MRTFB: variants seen among roughly 807,000 people sequenced by gnomAD.
MRTFB encodes the protein myocardin-related transcription factor B.
In MRTFB, 29 loss-of-function variants were observed where a neutral mutation model predicts 104.2. The observed-to-expected ratio is 0.28, with a 90% CI of 0.21 to 0.38. The LOEUF (loss-of-function observed/expected upper bound fraction) is 0.38, where lower values mean the gene tolerates loss of function less well. Ranked by LOEUF, MRTFB falls within the 10% of genes least tolerant of loss-of-function variation. The pLI is 1.00. For synonymous variants in MRTFB, 535 were observed against 519.5 expected, an observed-to-expected ratio of 1.03 and a Z score of -0.41; for missense variants, 1,270 against 1,341.6, an observed-to-expected ratio of 0.95 and a Z score of 0.83.
chr16:14,045,986 T>G, the MRTFB span, among the ~76,000 whole-genome samples: 1 of 152,190 alleles, frequency 6.6e-6, no homozygotes, highest in Non-Finnish European at 1.5e-5. Flanking sequence ...CTAGTAGCAG[T>G]AGTGTTGGTC....
intron 3 of MRTFB, chr16:14,149,380 A>G (rs2038497673): frequency 6.6e-6 from 1 of 152,232 alleles, no homozygotes; most frequent in South Asian, 2.1e-4. Context: ...CTTGTAGTCT[A>G]AGTTTAAAAA....
At chr16:14,212,632 C>T (rs540561203) in intron 5 of MRTFB, among the ~76,000 whole-genome samples, 1 of 152,282 alleles carries the variant, frequency 6.6e-6, no homozygotes, top group South Asian at 2.1e-4. Context: ...AAGCCAGTAA[C>T]TAGTTTTGTA....
At chr16:14,027,653 G>T in the MRTFB span, among the ~76,000 whole-genome samples, 1 of 152,216 alleles carries the variant, frequency 6.6e-6, no homozygotes. Flanking sequence ...GGGAAGCTGG[G>T]CGAAGATGGT....
At chr16:14,044,093 C>T in the MRTFB span, among the ~76,000 whole-genome samples, 1 of 152,218 alleles carries the variant, frequency 6.6e-6, no homozygotes, top group Admixed American at 6.5e-5. Flanking sequence ...CATGACAACA[C>T]TTGGTGTCTA....
At chr16:14,203,080 T>G (rs2040779451) in intron 3 of MRTFB, among the ~76,000 whole-genome samples, 1 of 152,212 alleles carries the variant, frequency 6.6e-6, no homozygotes, top group South Asian at 2.1e-4. Flanking sequence ...TAGTCAATTC[T>G]AGAGTATTCT....
chr16:14,195,583 C>G (rs1184774846), intron 3 of MRTFB: 42 of 985,108 alleles, frequency 4.3e-5, no homozygotes, highest in Non-Finnish European at 5.1e-5. Context: ...GCTTACTATT[C>G]TGGGAAAAAT....
At chr16:14,248,354 C>CA (rs1259149748) in intron 12 of MRTFB, 1 of 152,342 alleles carries the variant, frequency 6.6e-6, no homozygotes, top group Non-Finnish European at 1.5e-5. Context: ...GACCCTTTGG[C>CA]AGATGCAAAA....
chr16:14,015,866 G>A, the MRTFB span: 2 of 398,488 alleles, frequency 5.0e-6, no homozygotes, highest in South Asian at 2.5e-4. Context: ...ACTTACCTGT[G>A]CTTACAGGTA....
At chr16:14,234,108 A>G (rs767556040) in intron 8 of MRTFB, 38 bp from the exon 9 acceptor site, 24 of 1,593,152 alleles carry the variant, frequency 1.5e-5, no homozygotes, top group Non-Finnish European at 2.0e-5. Flanking sequence ...TATGATCATT[A>G]ATTTCACAGA....
intron 3 of MRTFB, among the ~76,000 whole-genome samples, chr16:14,181,319 T>C (rs1334804046): frequency 1.3e-5 from 2 of 152,162 alleles, no homozygotes; most frequent in Non-Finnish European, 2.9e-5. Flanking sequence ...GGATCAAATA[T>C]GTATTTTACT....
At chr16:14,228,020 AT>A (rs1167993532) in intron 8 of MRTFB, among the ~76,000 whole-genome samples, 2 of 152,156 alleles carry the variant, frequency 1.3e-5, no homozygotes, top group African/African-American at 4.8e-5. Flanking sequence ...CAATTGGCCA[AT>A]AAGCATCTAA....
In MRTFB at chr16:14,212,460, C is replaced by T. The variant is rs537918638; in HGVS notation, c.276+51C>T. On this transcript the variant is annotated intron_variant, in intron 5 of 16. Coordinates refer to ENST00000571589, the MANE Select transcript of MRTFB (RefSeq NM_001308142.2). ...CTACTTCTCTCTCCTTCTCTCCTCT[C>T]TTCTAAAATACCTGTGTACAAGTAG... 1.0e-5 allele frequency: 16 copies of T among 1,534,566 alleles called. No individual in the cohort carries two copies. In the South Asian group the frequency reaches 1.7e-4, roughly 16 times the overall value.
intron 2 of MRTFB, among the ~76,000 whole-genome samples, chr16:14,089,637 A>G (rs1398261981): frequency 1.3e-5 from 2 of 152,158 alleles, no homozygotes; most frequent in Admixed American, 6.5e-5. Context: ...TCTTTTGGGT[A>G]TACACCTAGG....
In MRTFB at chr16:14,154,334, G is replaced by A. The variant is rs1259940355; in HGVS notation, c.154+13574G>A. On this transcript the variant is annotated intron_variant, in intron 3 of 16. Transcript: ENST00000571589. ...TGGTGACAGAGCGAGACTCATCTCC[G>A]TTTTTGAAAAATTTTTTAAATGTTA... Among the ~76,000 whole-genome samples, 4 of 152,086 alleles carry A rather than the reference G, an allele frequency of 2.6e-5. No homozygotes were observed. In the South Asian group the frequency reaches 6.2e-4, roughly 24 times the overall value.
At chr16:14,165,870 ATATT>A (rs2039217661) in intron 3 of MRTFB, among the ~76,000 whole-genome samples, 1 of 152,212 alleles carries the variant, frequency 6.6e-6, no homozygotes, top group South Asian at 2.1e-4. Context: ...GTTCTGTAAA[ATATT>A]TAGCATTCCC....
chr16:14,204,996 C>G (rs1327112043), intron 3 of MRTFB, among the ~76,000 whole-genome samples: 1 of 152,108 alleles, frequency 6.6e-6, no homozygotes, highest in Non-Finnish European at 1.5e-5. Context: ...ATTTAGTAAA[C>G]TATGCCATAT....
intron 9 of MRTFB, 62 bp downstream of exon 9, chr16:14,234,345 G>C (rs1567198814): frequency 6.6e-7 from 1 of 1,525,432 alleles, no homozygotes; most frequent in African/African-American, 1.4e-5. Flanking sequence ...CTATAACCCT[G>C]TGAATGGAAG....
the MRTFB span, among the ~76,000 whole-genome samples, chr16:14,056,600 C>T: frequency 6.6e-6 from 1 of 152,092 alleles, no homozygotes; most frequent in African/African-American, 2.4e-5. Flanking sequence ...TCCAAGGAGC[C>T]CTGGTCTCTC....
rs1247106936 is a variant in MRTFB, at chr16:14,265,102, A to T, written c.*3658A>T. The T allele has an allele frequency of 1.3e-5, 2 of 152,184 alleles. No homozygotes were observed. 9.4% of individuals were successfully genotyped at this position (152,184 alleles called of 1,614,324 possible). ...CATCCTCACTGGCTTCCATGCACCC[A>T]CCTGACGGTAGCCTCACAGAAGTCC... On this transcript the variant is annotated 3_prime_UTR_variant, in exon 17 of 17. Transcript: ENST00000571589.
Sources: gnomAD v4.1 joint callset for allele counts (sites outside exome capture counted in the v4.1 genomes callset) on GRCh38, gnomAD v4.1.1 for gene constraint, MANE v1.5 for transcripts, NCBI Gene and HGNC (gene_info 2026-07-23, HGNC 2026-07-21) for gene names.